The following CNOT6L variants were observed in gnomAD, a reference collection of about 807,000 sequenced individuals.
CNOT6L encodes the protein CCR4-NOT transcription complex subunit 6 like.
Under a neutral mutation model 64.0 loss-of-function variants are expected in CNOT6L, and 7 were observed. The observed-to-expected ratio is 0.11, with a 90% CI of 0.06 to 0.21. The LOEUF (loss-of-function observed/expected upper bound fraction) is 0.21, where lower values mean the gene tolerates loss of function less well. CNOT6L is among the 10% of genes least tolerant of loss of function. CNOT6L has a pLI of 1.00. For synonymous variants in CNOT6L, 193 were observed against 243.4 expected, an observed-to-expected ratio of 0.79 and a Z score of 1.93; for missense variants, 245 against 669.0, an observed-to-expected ratio of 0.37 and a Z score of 6.99.
chr4:77,780,539 G>A (rs998590086), intron 1 of CNOT6L, among the ~76,000 whole-genome samples: 3 of 152,120 alleles, frequency 2.0e-5, no homozygotes, highest in African/African-American at 7.2e-5. Context: ...CTTTGAGTCT[G>A]CCATCCATTC....
In CNOT6L at chr4:77,713,521, T is replaced by C. The variant is rs1454996166; in HGVS notation, c.*6910A>G. The C allele has an allele frequency of 1.3e-5, 2 of 152,438 alleles. No homozygotes were observed. The highest frequency in any genetic ancestry group is 2.9e-5 in the Non-Finnish European group (2 of 67,976). The allele number at this position is 152,438 out of a possible 1,614,324, so 9.4% of individuals were successfully genotyped here. ...TGTGAGCAGTAACCAATCTCCAAAATGGAAAAAAATATTTTGTTATCTGAC... is the reference window on the plus strand; with the variant it reads ...TGTGAGCAGTAACCAATCTCCAAAACGGAAAAAAATATTTTGTTATCTGAC... On this transcript the variant is annotated 3_prime_UTR_variant, in exon 12 of 12. Coordinates refer to ENST00000504123, the MANE Select transcript of CNOT6L (RefSeq NM_144571.3).
At chr4:77,749,261 ACT>A (rs1445681710) in intron 5 of CNOT6L, among the ~76,000 whole-genome samples, 6 of 152,184 alleles carry the variant, frequency 3.9e-5, no homozygotes, top group Non-Finnish European at 8.8e-5. Context: ...AGTAGAATGA[ACT>A]CTATTTCATA....
At chr4:77,819,205 C>T (rs778371331) in intron 1 of CNOT6L, 99 bp downstream of exon 1, 1 of 1,609,854 alleles carries the variant, frequency 6.2e-7, no homozygotes, top group Non-Finnish European at 8.5e-7. Context: ...AACTCGCACA[C>T]CCACACGCAC....
intron 1 of CNOT6L, 25 bp from the exon 2 acceptor site, chr4:77,776,417 A>C (rs760487087): frequency 5.5e-6 from 8 of 1,461,972 alleles, no homozygotes; most frequent in Non-Finnish European, 7.5e-6. Context: ...AAAGGAGGAG[A>C]TCAATAATTA....
chr4:77,778,421 G>A (rs888162254), intron 1 of CNOT6L, among the ~76,000 whole-genome samples: 5 of 149,580 alleles, frequency 3.3e-5, no homozygotes, highest in Admixed American at 2.0e-4. Context: ...TTTTTGAGAC[G>A]GAGTTTTGCT....
At chr4:77,724,093 C>T (rs1295156799) in intron 11 of CNOT6L, among the ~76,000 whole-genome samples, 1 of 148,892 alleles carries the variant, frequency 6.7e-6, no homozygotes, top group Non-Finnish European at 1.5e-5. Flanking sequence ...AACCCTGTCT[C>T]TACCAAAAGA....
rs1395166889 is a variant in CNOT6L at position 77,719,815 on chromosome 4, G to A, written c.*616C>T. 1 of 152,556 alleles carries A rather than the reference G, an allele frequency of 6.6e-6. No individual in the cohort carries two copies. The highest frequency in any genetic ancestry group is 1.5e-5 in the Non-Finnish European group (1 of 68,024). 9.5% of individuals were successfully genotyped at this position (152,556 alleles called of 1,614,324 possible). A position where few individuals can be genotyped will look rare whatever the true frequency, so the allele number is the denominator to read the frequency against. Reference sequence around the variant, plus strand: ...GCATTTGGCCAACAAATTGTCATGTGGTGTTACATGCTGGATTATAAAAGT... The same window carrying A: ...GCATTTGGCCAACAAATTGTCATGTAGTGTTACATGCTGGATTATAAAAGT... On this transcript the variant is annotated 3_prime_UTR_variant, in exon 12 of 12. Transcript: ENST00000504123.
intron 4 of CNOT6L, 29 bp downstream of exon 4, chr4:77,773,052 T>C (rs36124924): frequency 0.045 from 65,667 of 1,465,706 alleles, 1,856 homozygotes; most frequent in African/African-American, 0.13. Context: ...AGGCTCAGAA[T>C]ACCTCAAAAC....
Position 77,803,022 on chromosome 4 carries a change from C to A in CNOT6L, c.5+16282G>T, listed in dbSNP as rs533895241. Among the ~76,000 whole-genome samples, 37 of 152,154 alleles carry A rather than the reference C, an allele frequency of 2.4e-4. No individual in the cohort carries two copies. The East Asian group carries it at 6.8e-3, about 28-fold the overall frequency. ...ATGTCTATAAGGCAAAGAGCAAAGT[C>A]ATAAACAAAGTCAAAAAACAAACAA... On this transcript the variant is annotated intron_variant, in intron 1 of 11. Transcript: ENST00000504123.
chr4:77,810,103 T>C (rs1203306924), intron 1 of CNOT6L, among the ~76,000 whole-genome samples: 1 of 152,096 alleles, frequency 6.6e-6, no homozygotes, highest in Non-Finnish European at 1.5e-5. Flanking sequence ...AAAAATTCTA[T>C]TACCACTTTC....
intron 2 of CNOT6L, among the ~76,000 whole-genome samples, chr4:77,775,083 C>T (rs1728007600): frequency 6.6e-6 from 1 of 152,168 alleles, no homozygotes; most frequent in African/African-American, 2.4e-5. Flanking sequence ...AGGGGTACTA[C>T]TGCTATCTAG....
Position 77,744,816 on chromosome 4 carries a change from A to G in CNOT6L, c.619T>C (p.Tyr207His). 1 of 1,613,532 alleles carries G rather than the reference A, an allele frequency of 6.2e-7. No individual in the cohort carries two copies. Among genetic ancestry groups the G allele is most frequent in the Non-Finnish European group, 8.5e-7 (1 of 1,179,648 alleles). Residue 207 changes from tyrosine to histidine, a missense_variant, in exon 7 of 12, where the codon TAT becomes CAT. By Grantham distance (83) the Tyr-to-His change is moderately conservative. This residue lies in a region of CNOT6L where 94 missense variants were observed against 290.9 expected (regional missense o/e 0.32). Coordinates refer to ENST00000504123, the MANE Select transcript of CNOT6L (RefSeq NM_144571.3). ...LCDKYATRQLYGYCPSWALNW... is the reference protein window; with the variant it reads ...LCDKYATRQLHGYCPSWALNW... ...AATGCCCAGGATGGGCAATAGCCAT[A>G]TAGCTGCCGGGTAGCGTATTTATCA...
intron 5 of CNOT6L, among the ~76,000 whole-genome samples, chr4:77,750,307 C>CT (rs980453522): frequency 6.6e-6 from 1 of 152,080 alleles, no homozygotes; most frequent in East Asian, 1.9e-4. Context: ...GGAATTTTAA[C>CT]TTTTTTTACA....
rs1720790874 is a variant in CNOT6L at position 77,716,753 on chromosome 4, G to C, written c.*3678C>G. 6.6e-6 allele frequency: 1 copy of C among 152,478 alleles called. No individual in the cohort carries two copies. The highest frequency in any genetic ancestry group is 2.4e-5 in the African/African-American group (1 of 41,402). 9.4% of individuals were successfully genotyped at this position (152,478 alleles called of 1,614,324 possible). On this transcript the variant is annotated 3_prime_UTR_variant, in exon 12 of 12. Coordinates refer to ENST00000504123, the MANE Select transcript of CNOT6L (RefSeq NM_144571.3). ...ACACCAAAAAAATAGGGGCAAATAAGAAACAGCTTTTATATTTTTGCCAAC... is the reference window on the plus strand; with the variant it reads ...ACACCAAAAAAATAGGGGCAAATAACAAACAGCTTTTATATTTTTGCCAAC...
intron 4 of CNOT6L, among the ~76,000 whole-genome samples, chr4:77,760,845 C>T (rs1056398562): frequency 5.4e-5 from 7 of 129,166 alleles, no homozygotes; most frequent in Admixed American, 5.1e-4. Context: ...TACAGGTGCA[C>T]ACCACCATGC....
intron 11 of CNOT6L, among the ~76,000 whole-genome samples, chr4:77,722,104 T>C (rs1297506617): frequency 1.3e-5 from 2 of 152,178 alleles, no homozygotes; most frequent in Non-Finnish European, 2.9e-5. Flanking sequence ...TAAGGTATTA[T>C]CCCTTCATTT....
intron 4 of CNOT6L, among the ~76,000 whole-genome samples, chr4:77,760,850 C>T (rs1726125972): frequency 1.7e-5 from 2 of 117,300 alleles, no homozygotes; most frequent in Non-Finnish European, 3.5e-5. Flanking sequence ...GTGCACACCA[C>T]CATGCCTGGC....
intron 1 of CNOT6L, chr4:77,819,074 A>ACC (rs1553900908): frequency 1.2e-4 from 86 of 720,380 alleles, no homozygotes; most frequent in Middle Eastern, 7.0e-4. Flanking sequence ...ACACACACAC[A>ACC]CCCCGGAACC....
chr4:77,733,524 G>T (rs907251237), intron 8 of CNOT6L, among the ~76,000 whole-genome samples: 1 of 151,932 alleles, frequency 6.6e-6, no homozygotes, highest in Non-Finnish European at 1.5e-5. Context: ...TAATTTTTGA[G>T]ATATCTTCTA....
Sources: allele counts gnomAD v4.1 joint callset (sites outside exome capture counted in the v4.1 genomes callset), GRCh38; gene constraint gnomAD v4.1.1; regional missense constraint gnomAD v4.1.1; transcripts MANE v1.5; gene names NCBI Gene and HGNC (gene_info 2026-07-23, HGNC 2026-07-21).